The following PLEKHA7 variants were observed in gnomAD, a reference collection of about 807,000 sequenced individuals.
The protein encoded by PLEKHA7 is pleckstrin homology domain containing A7.
PLEKHA7 carries 104 observed loss-of-function variants against 170.0 expected under a neutral mutation model. The ratio of observed to expected loss-of-function variants is 0.61; its 90% CI spans 0.52 to 0.72. The LOEUF (loss-of-function observed/expected upper bound fraction) is 0.72. Among genes scored for constraint, PLEKHA7 ranks in the 30% least tolerant of loss-of-function variants. PLEKHA7 has a pLI of 0.00. For missense variants in PLEKHA7, 1,615 were observed against 1,671.7 expected, an observed-to-expected ratio of 0.97 and a Z score of 0.59; for synonymous variants, 648 against 660.8, an observed-to-expected ratio of 0.98 and a Z score of 0.30.
chr11:16,809,501 C>T (rs984193524), intron 13 of PLEKHA7, among the ~76,000 whole-genome samples: 2 of 152,204 alleles, frequency 1.3e-5, no homozygotes, highest in African/African-American at 4.8e-5. Context: ...CTCTCATAAG[C>T]AGCTGGTCCC....
intron 8 of PLEKHA7, 74 bp downstream of exon 8, chr11:16,851,117 C>A (rs1852907986): frequency 2.5e-6 from 3 of 1,213,150 alleles, no homozygotes; most frequent in African/African-American, 3.1e-5. Flanking sequence ...ACAAAAGCAA[C>A]TGCTTTTATG....
intron 3 of PLEKHA7, among the ~76,000 whole-genome samples, chr11:16,963,931 T>C (rs1862215911): frequency 6.6e-6 from 1 of 152,242 alleles, no homozygotes; most frequent in Non-Finnish European, 1.5e-5. Flanking sequence ...ACTTTGTTAC[T>C]ACCTCAAACA....
intron 3 of PLEKHA7, among the ~76,000 whole-genome samples, chr11:16,991,787 C>T (rs1232468395): frequency 6.6e-6 from 1 of 152,142 alleles, no homozygotes; most frequent in Non-Finnish European, 1.5e-5. Context: ...ACCCAACTTC[C>T]ACCATTAAAC....
intron 3 of PLEKHA7, among the ~76,000 whole-genome samples, chr11:16,906,199 A>G (rs1196287740): frequency 3.4e-5 from 5 of 148,614 alleles, no homozygotes; most frequent in Non-Finnish European, 6.0e-5. Flanking sequence ...TAGATCCTTA[A>G]AGAGGTGATC....
At chr11:16,780,988 G>A in intron 26 of PLEKHA7, 1 of 986,182 alleles carries the variant, frequency 1.0e-6, no homozygotes, top group Non-Finnish European at 1.2e-6. Flanking sequence ...TGGTAAAAGG[G>A]GGGTAAGGTG....
chr11:16,845,200 G>C (rs1179963927), intron 8 of PLEKHA7, among the ~76,000 whole-genome samples: 1 of 152,226 alleles, frequency 6.6e-6, no homozygotes, highest in Non-Finnish European at 1.5e-5. Context: ...CAAGGATGAG[G>C]CCAGCATGAC....
chr11:16,849,180 A>G (rs1420021869), intron 8 of PLEKHA7, among the ~76,000 whole-genome samples: 2 of 152,222 alleles, frequency 1.3e-5, no homozygotes, highest in African/African-American at 4.8e-5. Flanking sequence ...CTCTCTTAGT[A>G]AAGTCTTTCC....
intron 3 of PLEKHA7, among the ~76,000 whole-genome samples, chr11:16,892,426 G>GTTT (rs759987751): frequency 0.028 from 2,146 of 77,014 alleles, 18 homozygotes; most frequent in Middle Eastern, 0.098. Flanking sequence ...GTGTGTGTGT[G>GTTT]TGTGTGTGTT....
In PLEKHA7 at chr11:16,816,917, T is replaced by G; in HGVS notation, c.1749A>C (p.Pro583=). ...IPPPGPPRVF[P]PRRPHTPAER... ...CTGCTGGTGTGTGTGGCCGCCGGGG[T>G]GGGAAGACCCTTGGGGGTCCTGGGG... The change falls in exon 11 of 27, where the codon CCA becomes CCC. Residue 583 remains proline (P), a synonymous_variant. Coordinates refer to ENST00000531066, the MANE Select transcript of PLEKHA7 (RefSeq NM_001329630.2). 1 of 1,613,350 alleles carries G rather than the reference T, an allele frequency of 6.2e-7. No homozygotes were observed.
chr11:16,922,240 TCTAG>T (rs1167007930), intron 3 of PLEKHA7, among the ~76,000 whole-genome samples: 1 of 152,144 alleles, frequency 6.6e-6, no homozygotes, highest in African/African-American at 2.4e-5. Flanking sequence ...CCAAGGACTC[TCTAG>T]CTGCCTTAAT....
intron 3 of PLEKHA7, among the ~76,000 whole-genome samples, chr11:16,950,393 C>A (rs1590700039): frequency 6.6e-6 from 1 of 152,128 alleles, no homozygotes; most frequent in African/African-American, 2.4e-5. Context: ...CAAAGCTGTC[C>A]CCTGATGTTC....
intron 3 of PLEKHA7, among the ~76,000 whole-genome samples, chr11:16,893,949 T>A (rs1385232450): frequency 6.6e-6 from 1 of 152,232 alleles, no homozygotes; most frequent in African/African-American, 2.4e-5. Flanking sequence ...CTTCCAGTGT[T>A]GATGCTGTAC....
intron 3 of PLEKHA7, among the ~76,000 whole-genome samples, chr11:16,923,275 T>C (rs1204752582): frequency 1.3e-5 from 2 of 152,138 alleles, no homozygotes; most frequent in East Asian, 1.9e-4. Context: ...AGAAAAACCT[T>C]GTTCCTAATC....
At chr11:16,932,268 T>G (rs1859991769) in intron 3 of PLEKHA7, among the ~76,000 whole-genome samples, 1 of 130,548 alleles carries the variant, frequency 7.7e-6, no homozygotes, top group Non-Finnish European at 1.6e-5. Context: ...ATGGCTATCA[T>G]TATTCATTCC....
intron 3 of PLEKHA7, among the ~76,000 whole-genome samples, chr11:16,938,050 C>T (rs1223084661): frequency 6.6e-6 from 1 of 152,192 alleles, no homozygotes; most frequent in Non-Finnish European, 1.5e-5. Flanking sequence ...TCTTCCCAAC[C>T]TCCTGGGTTT....
intron 13 of PLEKHA7, chr11:16,803,635 G>C: frequency 3.3e-6 from 1 of 305,244 alleles, no homozygotes; most frequent in Non-Finnish European, 6.4e-6. Context: ...ATTTGCCACC[G>C]ATAAGACAGA....
chr11:16,881,823 G>A (rs751198803), intron 3 of PLEKHA7, among the ~76,000 whole-genome samples: 1 of 152,176 alleles, frequency 6.6e-6, no homozygotes, highest in Non-Finnish European at 1.5e-5. Context: ...GGCAGGGAAA[G>A]GTTTGAGTGG....
In PLEKHA7 at chr11:16,789,832, A is replaced by G. The variant is rs994110600; in HGVS notation, c.3099T>C (p.Ala1033=). Residue 1033 remains alanine (A), a synonymous_variant, in exon 22 of 27, where the codon GCT becomes GCC. Transcript: ENST00000531066. This position sits in a 1 kb window ranked among gnomAD's most constrained non-coding sequence, Gnocchi z 4.6. ...TSRLQQSSTI[A]PYVTLRRGLN... ...GACCCCTCCGGAGTGTGACGTAGGG[A>G]GCAATGGTGGACGACTGCTGGAGCC... The G allele has an allele frequency of 1.6e-5, 26 of 1,613,962 alleles. No homozygotes were observed. The highest frequency in any genetic ancestry group is 2.1e-5 in the Non-Finnish European group (25 of 1,180,002).
At chr11:16,947,933 GA>G (rs1264596157) in intron 3 of PLEKHA7, among the ~76,000 whole-genome samples, 56 of 141,582 alleles carry the variant, frequency 4.0e-4, no homozygotes, top group East Asian at 2.7e-3. Context: ...AAAAAAAAAA[GA>G]AAAAAAAGAA....
Sources: allele counts gnomAD v4.1 joint callset (sites outside exome capture counted in the v4.1 genomes callset), GRCh38; gene constraint gnomAD v4.1.1; non-coding constraint Gnocchi (gnomAD v3.1); transcripts MANE v1.5; gene names NCBI Gene and HGNC (gene_info 2026-07-23, HGNC 2026-07-21).